The following POU6F2 variants were observed in gnomAD, a reference collection of about 807,000 sequenced individuals.
POU6F2 encodes POU class 6 homeobox 2.
Under a neutral mutation model 71.3 loss-of-function variants are expected in POU6F2, and 31 were observed. The observed-to-expected ratio is 0.43, with a 90% CI of 0.33 to 0.59. The LOEUF (loss-of-function observed/expected upper bound fraction) is 0.59, where lower values mean the gene tolerates loss of function less well. POU6F2 is among the 20% of genes least tolerant of loss of function. The pLI, the probability that POU6F2 is intolerant of heterozygous loss-of-function variation, is 0.04. For synonymous variants in POU6F2, 347 were observed against 355.7 expected (o/e 0.98, Z 0.27); for missense variants, 783 against 856.8 (o/e 0.91, Z 1.07).
chr7:39,110,873 A>G lies in POU6F2; in HGVS notation c.277+24842A>G, dbSNP rs567814624. Reference sequence around the variant, plus strand: ...AATGGAGTGAATGACTTCTTGCTAAATCAGATAGCAATCCAACATTTATTT... The same window carrying G: ...AATGGAGTGAATGACTTCTTGCTAAGTCAGATAGCAATCCAACATTTATTT... On this transcript the variant is annotated intron_variant, in intron 2 of 9. Transcript: ENST00000518318. Among the ~76,000 whole-genome samples the G allele has an allele frequency of 5.9e-5, 9 of 152,340 alleles. No homozygotes were observed. The South Asian group carries it at 1.9e-3, about 32-fold the overall frequency.
chr7:39,207,766 CAAAAT>C, intron 4 of POU6F2, 146 bp downstream of exon 4: 1 of 708,600 alleles, frequency 1.4e-6, no homozygotes, highest in Non-Finnish European at 2.3e-6. Context: ...CCACAGGAAG[CAAAAT>C]TTTCAGTTGT....
At chr7:39,456,150 T>G (rs1198304473) in intron 8 of POU6F2, among the ~76,000 whole-genome samples, 3 of 152,190 alleles carry the variant, frequency 2.0e-5, no homozygotes, top group Admixed American at 2.0e-4. Context: ...AGATTGGGTT[T>G]CCCTAGAGCT....
intron 2 of POU6F2, among the ~76,000 whole-genome samples, chr7:39,185,195 A>G (rs1439988279): frequency 6.6e-6 from 1 of 151,366 alleles, no homozygotes; most frequent in Non-Finnish European, 1.5e-5. Flanking sequence ...CAGCATTACA[A>G]TAGGATGGGT....
chr7:39,241,586 T>C (rs1364855409), intron 4 of POU6F2, among the ~76,000 whole-genome samples: 3 of 152,042 alleles, frequency 2.0e-5, no homozygotes, highest in Non-Finnish European at 4.4e-5. Flanking sequence ...AGTAGAAACA[T>C]ATATAACATG....
At chr7:39,431,883 C>G (rs892472518) in intron 6 of POU6F2, among the ~76,000 whole-genome samples, 4 of 152,194 alleles carry the variant, frequency 2.6e-5, no homozygotes, top group African/African-American at 9.6e-5. Flanking sequence ...CAGGCCAGGT[C>G]ACCAGATTTC....
intron 4 of POU6F2, among the ~76,000 whole-genome samples, chr7:39,281,681 A>G (rs1445164682): frequency 6.6e-6 from 1 of 152,056 alleles, no homozygotes; most frequent in Non-Finnish European, 1.5e-5. Context: ...TATATACCAC[A>G]TTTTCTTTAT....
At chr7:39,267,542 AT>A (rs1379359543) in intron 4 of POU6F2, among the ~76,000 whole-genome samples, 1 of 152,240 alleles carries the variant, frequency 6.6e-6, no homozygotes, top group African/African-American at 2.4e-5. Flanking sequence ...ACATTTTATA[AT>A]TTACATGATT....
intron 2 of POU6F2, among the ~76,000 whole-genome samples, chr7:39,179,231 G>T (rs1023959840): frequency 6.6e-6 from 1 of 152,182 alleles, no homozygotes; most frequent in Admixed American, 6.5e-5. Flanking sequence ...TCATTCTTCC[G>T]GTGAGGTGGA....
chr7:39,001,652 G>T (rs1424398386), intron 1 of POU6F2, among the ~76,000 whole-genome samples: 1 of 71,258 alleles, frequency 1.4e-5, no homozygotes, highest in Non-Finnish European at 2.7e-5. Context: ...TGGGAGAAAT[G>T]GTGATAATGG....
chr7:39,290,563 T>G (rs1784733506), intron 4 of POU6F2, among the ~76,000 whole-genome samples: 1 of 152,244 alleles, frequency 6.6e-6, no homozygotes, highest in African/African-American at 2.4e-5. Flanking sequence ...TCAATAGATG[T>G]TATATTCAAA....
chr7:39,140,857 G>A (rs1403108657), intron 2 of POU6F2, among the ~76,000 whole-genome samples: 1 of 152,170 alleles, frequency 6.6e-6, no homozygotes, highest in African/African-American at 2.4e-5. Context: ...AGTGCAGTGA[G>A]GAGTCACCAG....
intron 6 of POU6F2, among the ~76,000 whole-genome samples, chr7:39,419,373 G>A (rs753030399): frequency 4.0e-5 from 6 of 151,394 alleles, no homozygotes; most frequent in Non-Finnish European, 8.8e-5. Context: ...TGAGTAGCTG[G>A]GATTACAGGC....
intron 4 of POU6F2, among the ~76,000 whole-genome samples, chr7:39,303,086 G>A (rs1784980918): frequency 6.6e-6 from 1 of 152,198 alleles, no homozygotes; most frequent in South Asian, 2.1e-4. Context: ...GCTTGAAAAG[G>A]CACTGGATAT....
chr7:39,186,995 C>T (rs1793554560), intron 2 of POU6F2, among the ~76,000 whole-genome samples: 1 of 152,208 alleles, frequency 6.6e-6, no homozygotes, highest in Non-Finnish European at 1.5e-5. Flanking sequence ...ATGTGATCGC[C>T]AAGGTGGTCT....
intron 4 of POU6F2, among the ~76,000 whole-genome samples, chr7:39,275,110 T>C (rs141736947): frequency 0.27 from 41,543 of 151,880 alleles, 6,658 homozygotes; most frequent in African/African-American, 0.44. Context: ...GAAGTCAGAT[T>C]GTCCCTGTTT....
rs1184864301 is a variant in POU6F2 at position 39,305,832 on chromosome 7, A to C, written c.599-33810A>C. Among the ~76,000 whole-genome samples, 7 of 152,230 alleles carry C rather than the reference A, an allele frequency of 4.6e-5. No individual in the cohort carries two copies. In the East Asian group the frequency reaches 1.2e-3, roughly 25 times the overall value. On this transcript the variant is annotated intron_variant, in intron 4 of 9. Transcript: ENST00000518318. ...CTGAAGCCTGATACTTTGAATTGTC[A>C]TGTATGTGATTTCCACTGAATATTT... is the stretch of plus-strand genomic sequence containing the variant.
intron 2 of POU6F2, among the ~76,000 whole-genome samples, chr7:39,161,003 T>C (rs1408939697): frequency 6.6e-6 from 1 of 152,116 alleles, no homozygotes. Context: ...TAGTTCATAT[T>C]TTGTGCACAG....
At chr7:39,417,540 A>G (rs2115945213) in intron 6 of POU6F2, among the ~76,000 whole-genome samples, 1 of 152,322 alleles carries the variant, frequency 6.6e-6, no homozygotes, top group East Asian at 1.9e-4. Context: ...AGATGTCATC[A>G]GGTGGAGGGT....
At chr7:38,987,603 G>A (rs1788494236) in intron 1 of POU6F2, among the ~76,000 whole-genome samples, 1 of 152,024 alleles carries the variant, frequency 6.6e-6, no homozygotes, top group Non-Finnish European at 1.5e-5. Context: ...GTCACAAGCA[G>A]GGCTAAATAA....
Sources: allele counts gnomAD v4.1 joint callset (sites outside exome capture counted in the v4.1 genomes callset), GRCh38; gene constraint gnomAD v4.1.1; transcripts MANE v1.5; gene names NCBI Gene and HGNC (gene_info 2026-07-23, HGNC 2026-07-21).